RNF141: variants seen among roughly 807,000 people sequenced by gnomAD.
RNF141 encodes ring finger protein 141, also known as C3HC4-like zinc finger protein.
Under a neutral mutation model 27.4 loss-of-function variants are expected in RNF141, and 18 were observed. The observed-to-expected ratio is 0.66, with a 90% CI of 0.45 to 0.97. The LOEUF (loss-of-function observed/expected upper bound fraction) is 0.97. Ranked by LOEUF, RNF141 falls within the 50% of genes least tolerant of loss-of-function variation. RNF141 has a pLI of 0.00. For synonymous variants in RNF141, 97 were observed against 96.6 expected, an observed-to-expected ratio of 1.00 and a Z score of -0.02; for missense variants, 230 against 279.4, an observed-to-expected ratio of 0.82 and a Z score of 1.26.
At chr11:10,519,244 T>C in intron 4 of RNF141, 103 bp from the exon 5 acceptor site, 1 of 901,784 alleles carries the variant, frequency 1.1e-6, no homozygotes. Context: ...ATGCCCACAG[T>C]ATAAAGCACA....
chr11:10,521,169 T>G (rs769682932), intron 4 of RNF141, among the ~76,000 whole-genome samples: 1 of 152,230 alleles, frequency 6.6e-6, no homozygotes, highest in African/African-American at 2.4e-5. Flanking sequence ...GCAGATGGTA[T>G]TTTCCTTTCC....
intron 2 of RNF141, among the ~76,000 whole-genome samples, chr11:10,531,064 G>A (rs1329340364): frequency 6.6e-6 from 1 of 152,030 alleles, no homozygotes; most frequent in Non-Finnish European, 1.5e-5. Flanking sequence ...GGAAAAACAA[G>A]TCTTAGAAAT....
At chr11:10,523,713 C>A (rs1208858053) in intron 4 of RNF141, among the ~76,000 whole-genome samples, 2 of 149,824 alleles carry the variant, frequency 1.3e-5, no homozygotes, top group African/African-American at 2.5e-5. Flanking sequence ...GGGATAACAC[C>A]TTTACCTTCT....
rs75074749 is a variant in RNF141, at chr11:10,537,886, G to A, written c.-48+3236C>T. Among the ~76,000 whole-genome samples, 569 of 152,350 alleles carry A rather than the reference G, an allele frequency of 3.7e-3. 4 individuals are homozygous for A. The highest frequency in any genetic ancestry group is 0.013 in the African/African-American group (542 of 41,580). ...ATGATAATGTCTTCCTCCTGGCATA[G>A]AGAGGACATCTTTCACATGGCTGTT... On this transcript the variant is annotated intron_variant, in intron 1 of 5. Coordinates refer to ENST00000265981, the MANE Select transcript of RNF141 (RefSeq NM_016422.4).
chr11:10,539,874 GTGTT>G (rs1850078300), intron 1 of RNF141, among the ~76,000 whole-genome samples: 1 of 151,054 alleles, frequency 6.6e-6, no homozygotes, highest in Non-Finnish European at 1.5e-5. Flanking sequence ...GAAGGAAAGC[GTGTT>G]TGTATTTAGA....
At chr11:10,538,565 C>A (rs972820741) in intron 1 of RNF141, among the ~76,000 whole-genome samples, 8 of 152,316 alleles carry the variant, frequency 5.3e-5, no homozygotes, top group African/African-American at 1.9e-4. Flanking sequence ...TTGGCCATTT[C>A]CCTCTAGTGA....
At chr11:10,538,074 CTTAT>C (rs1850053364) in intron 1 of RNF141, among the ~76,000 whole-genome samples, 1 of 152,186 alleles carries the variant, frequency 6.6e-6, no homozygotes, top group Non-Finnish European at 1.5e-5. Flanking sequence ...GAGTTAGTTG[CTTAT>C]TTATTGAGTT....
chr11:10,519,743 G>A (rs533468663), intron 4 of RNF141, among the ~76,000 whole-genome samples: 5 of 152,282 alleles, frequency 3.3e-5, no homozygotes, highest in African/African-American at 1.2e-4. Flanking sequence ...AAGGTACTGT[G>A]TAAATACGGT....
Position 10,519,103 on chromosome 11 carries a change from C to T in RNF141, c.473G>A (p.Cys158Tyr). ...QLTDEEECCI[C>Y]MDGRADLILP... ...GATGAGGTCAGCCCGCCCATCCATA[C>T]AGATACAACACTCCTCCTCATCGGT... The change falls in exon 5 of 6, where the codon TGT (cysteine) becomes TAT (tyrosine). Residue 158 changes from cysteine to tyrosine, a missense_variant. Physicochemically the swap from Cys to Tyr is radical, Grantham distance 194. Coordinates refer to ENST00000265981, the MANE Select transcript of RNF141 (RefSeq NM_016422.4). 6.2e-7 allele frequency: 1 copy of T among 1,614,034 alleles called. No homozygotes were observed. Among genetic ancestry groups the T allele is most frequent in the Non-Finnish European group, 8.5e-7 (1 of 1,179,962 alleles).
intron 1 of RNF141, among the ~76,000 whole-genome samples, chr11:10,536,641 G>C (rs1261955752): frequency 6.6e-6 from 1 of 152,064 alleles, no homozygotes; most frequent in Non-Finnish European, 1.5e-5. Context: ...TAAAGAGATG[G>C]AGTCTCTTTA....
intron 1 of RNF141, chr11:10,540,691 A>T (rs1287053013): frequency 6.6e-6 from 1 of 152,238 alleles, no homozygotes; most frequent in Admixed American, 6.5e-5. Context: ...GCGGAGACCG[A>T]GCCCGCGGGC....
chr11:10,526,609 C>A (rs1849937897), intron 3 of RNF141, among the ~76,000 whole-genome samples: 1 of 151,856 alleles, frequency 6.6e-6, no homozygotes. Context: ...CGGTGAAACC[C>A]CATCTCTACT....
chr11:10,512,336 C>T lies in RNF141; in HGVS notation c.*2580G>A, dbSNP rs867690595. The T allele has an allele frequency of 4.6e-5, 7 of 152,614 alleles. No individual in the cohort carries two copies. Among genetic ancestry groups the T allele is most frequent in the Non-Finnish European group, 7.3e-5 (5 of 68,030 alleles). The allele number at this position is 152,614 out of a possible 1,614,324, so 9.5% of individuals were successfully genotyped here. ...ATAATTATCACCCAGTTCAATAGAGCGAACAAAGAGCTGTGCTCATTTATT... is the reference window on the plus strand; with the variant it reads ...ATAATTATCACCCAGTTCAATAGAGTGAACAAAGAGCTGTGCTCATTTATT... On this transcript the variant is annotated 3_prime_UTR_variant, in exon 6 of 6. Transcript: ENST00000265981.
intron 3 of RNF141, among the ~76,000 whole-genome samples, chr11:10,527,548 G>A (rs1435706874): frequency 6.6e-6 from 1 of 150,662 alleles, no homozygotes; most frequent in African/African-American, 2.4e-5. Flanking sequence ...GACAGAGGAA[G>A]GAGTGGTAGA....
intron 4 of RNF141, among the ~76,000 whole-genome samples, chr11:10,519,596 C>T (rs1849870538): frequency 6.6e-6 from 1 of 152,186 alleles, no homozygotes; most frequent in Non-Finnish European, 1.5e-5. Flanking sequence ...TAGCCTACTA[C>T]TACATACCTA....
chr11:10,525,099 G>T, intron 4 of RNF141, 93 bp downstream of exon 4: 17 of 885,404 alleles, frequency 1.9e-5, no homozygotes, highest in Non-Finnish European at 2.6e-5. Flanking sequence ...AAAGATTTAA[G>T]ATGCTACAAT....
In RNF141 at chr11:10,539,223, G is replaced by A. The variant is rs1309978232; in HGVS notation, c.-48+1899C>T. On this transcript the variant is annotated intron_variant, in intron 1 of 5. Coordinates refer to ENST00000265981, the MANE Select transcript of RNF141 (RefSeq NM_016422.4). ...TATTAAAATTACATCATGGGTAACT[G>A]GCAAAGCAAAAACGAAAAAACTGCT... is the stretch of plus-strand genomic sequence containing the variant. 3.9e-5 allele frequency among the ~76,000 whole-genome samples: 6 copies of A among 152,088 alleles called. No individual in the cohort carries two copies. The East Asian group carries it at 9.7e-4, about 24-fold the overall frequency.
intron 4 of RNF141, among the ~76,000 whole-genome samples, chr11:10,521,331 CT>C (rs1162729202): frequency 6.6e-6 from 1 of 152,188 alleles, no homozygotes; most frequent in Non-Finnish European, 1.5e-5. Flanking sequence ...ACTGTAAGCT[CT>C]TTGAATATAG....
At chr11:10,533,627 T>C (rs993474664) in intron 2 of RNF141, among the ~76,000 whole-genome samples, 5 of 152,076 alleles carry the variant, frequency 3.3e-5, no homozygotes, top group African/African-American at 1.2e-4. Flanking sequence ...AGTGTTACCT[T>C]TGACTATCCT....
Sources: gnomAD v4.1 joint callset for allele counts (sites outside exome capture counted in the v4.1 genomes callset) on GRCh38, gnomAD v4.1.1 for gene constraint, MANE v1.5 for transcripts, NCBI Gene and HGNC (gene_info 2026-07-23, HGNC 2026-07-21) for gene names.